CCDC141: variants seen among roughly 807,000 people sequenced by gnomAD.
The protein encoded by CCDC141 is coiled-coil domain-containing protein 141.
In CCDC141, 168 loss-of-function variants were observed where a neutral mutation model predicts 181.0. The observed-to-expected ratio is 0.93, with a 90% CI of 0.82 to 1.05. The LOEUF is 1.05. Ranked by LOEUF, CCDC141 falls within the 50% of genes least tolerant of loss-of-function variation. The pLI is 0.00. For synonymous variants in CCDC141, 666 were observed against 642.3 expected, an observed-to-expected ratio of 1.04 and a Z score of -0.56; for missense variants, 1,902 against 1,788.5, an observed-to-expected ratio of 1.06 and a Z score of -1.14.
chr2:178,920,141 G>A (rs1688620873), intron 6 of CCDC141, among the ~76,000 whole-genome samples: 1 of 152,136 alleles, frequency 6.6e-6, no homozygotes, highest in Non-Finnish European at 1.5e-5. Flanking sequence ...TGAATCTTCT[G>A]GTATCCATAT....
At chr2:179,028,055 T>C (rs1438425602) in intron 2 of CCDC141, among the ~76,000 whole-genome samples, 1 of 152,130 alleles carries the variant, frequency 6.6e-6, no homozygotes, top group Non-Finnish European at 1.5e-5. Flanking sequence ...AGACTGAGAA[T>C]ACTGGATCAA....
intron 9 of CCDC141, 150 bp from the exon 10 acceptor site, chr2:178,887,021 T>G: frequency 2.0e-6 from 1 of 489,204 alleles, no homozygotes; most frequent in Admixed American, 4.3e-5. Context: ...TTTTAAATAT[T>G]CAGAATTTCA....
intron 2 of CCDC141, among the ~76,000 whole-genome samples, chr2:179,038,094 A>G (rs2043194209): frequency 1.3e-5 from 2 of 152,372 alleles, no homozygotes; most frequent in South Asian, 4.1e-4. Flanking sequence ...ATAAGGGCCA[A>G]AAAGTGGAAA....
chr2:178,928,050 T>C (rs1688973679), intron 6 of CCDC141, among the ~76,000 whole-genome samples: 1 of 152,234 alleles, frequency 6.6e-6, no homozygotes, highest in Non-Finnish European at 1.5e-5. Flanking sequence ...TGGTAACAGA[T>C]AAATTACATT....
intron 6 of CCDC141, among the ~76,000 whole-genome samples, chr2:178,942,824 A>G (rs1316287954): frequency 6.6e-6 from 1 of 152,162 alleles, no homozygotes; most frequent in Non-Finnish European, 1.5e-5. Context: ...AAACTGCTCT[A>G]AAAATAGTCT....
At chr2:178,966,365 G>A (rs1438528667) in intron 4 of CCDC141, among the ~76,000 whole-genome samples, 1 of 152,196 alleles carries the variant, frequency 6.6e-6, no homozygotes, top group Non-Finnish European at 1.5e-5. Flanking sequence ...TCATACAGGA[G>A]AGCTCTGACT....
rs1184842335 is a variant in CCDC141 at position 178,832,867 on chromosome 2, A to C, written c.*1306T>G. On this transcript the variant is annotated 3_prime_UTR_variant, in exon 24 of 24. Coordinates refer to ENST00000443758, the MANE Select transcript of CCDC141 (RefSeq NM_173648.4). ...AAGAAGCAAATGCTTCCCTACTTCAAGCTTATTTTTAAAAGGAAGCCAAAA... is the reference window on the plus strand; with the variant it reads ...AAGAAGCAAATGCTTCCCTACTTCACGCTTATTTTTAAAAGGAAGCCAAAA... 1.3e-5 allele frequency: 2 copies of C among 152,164 alleles called. No homozygotes were observed. Among genetic ancestry groups the C allele is most frequent in the Non-Finnish European group, 2.9e-5 (2 of 68,010 alleles). 9.4% of individuals were successfully genotyped at this position (152,164 alleles called of 1,614,324 possible). A position where few individuals can be genotyped will look rare whatever the true frequency, so the allele number is the denominator to read the frequency against.
chr2:178,975,600 T>G (rs965919923), intron 3 of CCDC141, among the ~76,000 whole-genome samples: 1 of 152,146 alleles, frequency 6.6e-6, no homozygotes, highest in Non-Finnish European at 1.5e-5. Flanking sequence ...CATTTACAAG[T>G]AAATGTAGCT....
intron 2 of CCDC141, among the ~76,000 whole-genome samples, chr2:179,015,630 A>ATATATCT (rs2042494193): frequency 1.1e-5 from 1 of 86,980 alleles, no homozygotes; most frequent in African/African-American, 5.1e-5. Context: ...TATATATCTC[A>ATATATCT]CATATATCTC....
rs768250349 is a variant in CCDC141 at position 179,049,881 on chromosome 2, C to G, written c.61G>C (p.Val21Leu). ...LSTTTVSSVA[V>L]QAGDSKIVIA... is the part of the protein sequence containing the mutation. ...ACGATTTTGGAGTCCCCAGCCTGCA[C>G]AGCAACTGAACTGACTGTCGTCGTA... is the stretch of plus-strand genomic sequence containing the variant. Residue 21 changes from valine (V) to leucine (L), a missense_variant, in exon 1 of 24, where the codon GTG (valine) becomes CTG (leucine). Transcript: ENST00000443758. 27 of 1,550,820 alleles carry G rather than the reference C, an allele frequency of 1.7e-5. No individual in the cohort carries two copies. The highest frequency in any genetic ancestry group is 2.4e-5 in the Non-Finnish European group (27 of 1,146,976).
intron 12 of CCDC141, chr2:178,876,651 T>A (rs977038987): frequency 1.3e-5 from 2 of 152,186 alleles, no homozygotes; most frequent in Admixed American, 1.3e-4. Flanking sequence ...GACTGCTTCA[T>A]GAACTGGAAT....
chr2:178,918,133 G>A (rs1369804519), intron 7 of CCDC141, among the ~76,000 whole-genome samples: 2 of 152,122 alleles, frequency 1.3e-5, no homozygotes, highest in African/African-American at 4.8e-5. Flanking sequence ...CATGAGGCTA[G>A]GCATGGTGGC....
At chr2:178,904,582 A>G (rs994432941) in intron 8 of CCDC141, among the ~76,000 whole-genome samples, 1 of 151,086 alleles carries the variant, frequency 6.6e-6, no homozygotes, top group African/African-American at 2.4e-5. Context: ...ACCCATTTAT[A>G]ATTTTTTTGT....
chr2:178,866,488 A>C (rs897294480), intron 16 of CCDC141, among the ~76,000 whole-genome samples: 1 of 152,248 alleles, frequency 6.6e-6, no homozygotes, highest in Non-Finnish European at 1.5e-5. Flanking sequence ...TAACAACAAC[A>C]GATAATTTGT....
chr2:178,977,994 T>A (rs1691201035), intron 3 of CCDC141, among the ~76,000 whole-genome samples: 1 of 152,178 alleles, frequency 6.6e-6, no homozygotes, highest in South Asian at 2.1e-4. Flanking sequence ...ACTATACGCC[T>A]TAGGAAAGTA....
intron 2 of CCDC141, among the ~76,000 whole-genome samples, chr2:179,020,036 A>G (rs1396028749): frequency 2.6e-5 from 4 of 152,174 alleles, no homozygotes; most frequent in Non-Finnish European, 5.9e-5. Flanking sequence ...GATTACAGGC[A>G]TGGACCACTA....
At chr2:179,041,339 A>G (rs1415149160) in intron 2 of CCDC141, among the ~76,000 whole-genome samples, 1 of 151,992 alleles carries the variant, frequency 6.6e-6, no homozygotes, top group African/African-American at 2.4e-5. Context: ...TCTGACTGGT[A>G]TGAGATGGTA....
chr2:178,972,120 A>G (rs1002684442), intron 4 of CCDC141, among the ~76,000 whole-genome samples: 1 of 152,142 alleles, frequency 6.6e-6, no homozygotes, highest in African/African-American at 2.4e-5. Flanking sequence ...AAAGATATAT[A>G]CAACATCCAA....
intron 5 of CCDC141, among the ~76,000 whole-genome samples, chr2:178,958,216 G>T (rs1230888420): frequency 6.6e-6 from 1 of 152,148 alleles, no homozygotes; most frequent in East Asian, 1.9e-4. Context: ...GTGGATGCCT[G>T]TCATTATACA....
Sources: allele counts gnomAD v4.1 joint callset (sites outside exome capture counted in the v4.1 genomes callset), GRCh38; gene constraint gnomAD v4.1.1; transcripts MANE v1.5; gene names NCBI Gene and HGNC (gene_info 2026-07-23, HGNC 2026-07-21).